The following ABHD2 variants were observed in gnomAD, a reference collection of about 807,000 sequenced individuals.
ABHD2 encodes the protein monoacylglycerol lipase ABHD2.
ABHD2 carries 20 observed loss-of-function variants against 48.1 expected under a neutral mutation model. The observed-to-expected ratio is 0.42, with a 90% CI of 0.29 to 0.60. The LOEUF (loss-of-function observed/expected upper bound fraction) is 0.60. Ranked by LOEUF, ABHD2 falls within the 20% of genes least tolerant of loss-of-function variation. ABHD2 has a pLI of 0.24. For synonymous variants in ABHD2, 209 were observed against 214.2 expected, an observed-to-expected ratio of 0.98 and a Z score of 0.21; for missense variants, 405 against 550.9, an observed-to-expected ratio of 0.74 and a Z score of 2.65.
chr15:89,119,106 C>G (rs1399921156), intron 3 of ABHD2, among the ~76,000 whole-genome samples: 1 of 152,156 alleles, frequency 6.6e-6, no homozygotes, highest in Non-Finnish European at 1.5e-5. Flanking sequence ...TGGTGGAGGT[C>G]AGCCTAAGTT....
chr15:89,111,304 T>G (rs923050637), intron 1 of ABHD2, among the ~76,000 whole-genome samples: 4 of 152,248 alleles, frequency 2.6e-5, no homozygotes, highest in Admixed American at 6.5e-5. Flanking sequence ...GCAGTGATTT[T>G]AGCATTCATA....
In ABHD2 at chr15:89,189,454, C is replaced by A. The variant is rs1057401921; in HGVS notation, c.926+1151C>A. The stretch of plus-strand genomic sequence containing the variant: ...ATTACAGTGAGCTATGGTCCCAACA[C>A]TGCACTGGAGCCCAGCCTGGGCAAC... On this transcript the variant is annotated intron_variant, in intron 8 of 10. Transcript: ENST00000352732. This position sits in a 1 kb window ranked among gnomAD's most constrained non-coding sequence, Gnocchi z 4.9. 6.6e-6 allele frequency among the ~76,000 whole-genome samples: 1 copy of A among 151,840 alleles called. No homozygotes were observed. The highest frequency in any genetic ancestry group is 1.5e-5 in the Non-Finnish European group (1 of 67,954).
At chr15:89,123,198 G>T (rs1456636905) in intron 3 of ABHD2, among the ~76,000 whole-genome samples, 1 of 152,216 alleles carries the variant, frequency 6.6e-6, no homozygotes, top group Non-Finnish European at 1.5e-5. Flanking sequence ...CTCTGGACGT[G>T]TCCGCCTGGA....
At chr15:89,183,793 C>T (rs1041299561) in intron 6 of ABHD2, among the ~76,000 whole-genome samples, 3 of 152,184 alleles carry the variant, frequency 2.0e-5, no homozygotes, top group Admixed American at 1.3e-4. Context: ...AAAGCAAGAA[C>T]ATCCCTTCAG....
In ABHD2 at chr15:89,097,482, A is replaced by G. The variant is rs2049631352; in HGVS notation, c.-107+8919A>G. ...TCCTTAAGCTTAATTTTTGTGAGTTAGGATTCAAGTAAGGATTAGACATTA... is the reference window on the plus strand; with the variant it reads ...TCCTTAAGCTTAATTTTTGTGAGTTGGGATTCAAGTAAGGATTAGACATTA... On this transcript the variant is annotated intron_variant, in intron 1 of 10. Transcript: ENST00000352732. The surrounding 1 kb of genome is among the most constrained non-coding windows in gnomAD (Gnocchi z 4.2). 6.6e-6 allele frequency among the ~76,000 whole-genome samples: 1 copy of G among 152,236 alleles called. No individual in the cohort carries two copies. Among genetic ancestry groups the G allele is most frequent in the Admixed American group, 6.5e-5 (1 of 15,288 alleles).
Position 89,175,646 on chromosome 15 carries a change from T to G in ABHD2, c.539-166T>G, listed in dbSNP as rs1358653289. Among the ~76,000 whole-genome samples, 1 of 152,174 alleles carries G rather than the reference T, an allele frequency of 6.6e-6. No homozygotes were observed. The highest frequency in any genetic ancestry group is 6.6e-5 in the Admixed American group (1 of 15,266). Reference sequence around the variant, plus strand: ...GTCTGGATAGCCAAAGAGCAGTGTCTGTCTCTCTCTCCACACACATCCCCC... The same window carrying G: ...GTCTGGATAGCCAAAGAGCAGTGTCGGTCTCTCTCTCCACACACATCCCCC... On this transcript the variant is annotated intron_variant, in intron 5 of 10. Transcript: ENST00000352732. This position sits in a 1 kb window ranked among gnomAD's most constrained non-coding sequence, Gnocchi z 5.7.
At chr15:89,181,228 CAAAAAAAA>C (rs61411388) in intron 6 of ABHD2, among the ~76,000 whole-genome samples, 23 of 69,160 alleles carry the variant, frequency 3.3e-4, no homozygotes, top group Admixed American at 6.6e-4. Flanking sequence ...GACTCTGTCT[CAAAAAAAA>C]AAAAAAAAAA....
chr15:89,085,600 CT>C (rs1272837940), upstream of ABHD2, among the ~76,000 whole-genome samples: 2 of 152,158 alleles, frequency 1.3e-5, no homozygotes, highest in African/African-American at 2.4e-5. The surrounding 1 kb of genome is among the most constrained non-coding windows in gnomAD (Gnocchi z 4.2). Flanking sequence ...CAGTCTGTGC[CT>C]CTTTTTGAGC....
intron 3 of ABHD2, among the ~76,000 whole-genome samples, chr15:89,144,668 G>T (rs1314339745): frequency 6.6e-6 from 1 of 152,140 alleles, no homozygotes; most frequent in Non-Finnish European, 1.5e-5. Flanking sequence ...GCAGATTAGT[G>T]GTTGCCAGGG....
At chr15:89,073,462 T>G in the ABHD2 span, among the ~76,000 whole-genome samples, 2 of 152,210 alleles carry the variant, frequency 1.3e-5, no homozygotes, top group Non-Finnish European at 2.9e-5. Context: ...TGCCTGGTAA[T>G]TTTTTTGTAT....
Position 89,186,414 on chromosome 15 carries a change from C to T in ABHD2, c.815+898C>T, listed in dbSNP as rs976091502. Among the ~76,000 whole-genome samples, 7 of 152,144 alleles carry T rather than the reference C, an allele frequency of 4.6e-5. No homozygotes were observed. Among genetic ancestry groups the T allele is most frequent in the African/African-American group, 1.7e-4 (7 of 41,416 alleles). On this transcript the variant is annotated intron_variant, in intron 7 of 10. Transcript: ENST00000352732. This position sits in a 1 kb window ranked among gnomAD's most constrained non-coding sequence, Gnocchi z 4.3. Reference sequence around the variant, plus strand: ...TTATTATTGCTGACATCTCTGCCTCCTCCTCTACGCCTCTCATTCCCTCTA... The same window carrying T: ...TTATTATTGCTGACATCTCTGCCTCTTCCTCTACGCCTCTCATTCCCTCTA...
chr15:89,159,338 C>G (rs568201694), intron 5 of ABHD2, among the ~76,000 whole-genome samples: 2 of 152,238 alleles, frequency 1.3e-5, no homozygotes, highest in African/African-American at 4.8e-5. Context: ...GATCACACCA[C>G]TGCACTTCAG....
chr15:89,105,128 A>G (rs2049763515), intron 1 of ABHD2, among the ~76,000 whole-genome samples: 1 of 152,234 alleles, frequency 6.6e-6, no homozygotes, highest in Admixed American at 6.5e-5. Flanking sequence ...CTGTGATTTT[A>G]CTAAGTGCTT....
chr15:89,051,242 TA>T, the ABHD2 span, among the ~76,000 whole-genome samples: 1 of 152,084 alleles, frequency 6.6e-6, no homozygotes, highest in Admixed American at 6.6e-5. Context: ...TCAATAATAA[TA>T]ATAAGTATGC....
rs1428485482 is a variant in ABHD2 at position 89,196,893 on chromosome 15, C to G, written c.*1470C>G. The G allele has an allele frequency of 6.6e-6, 1 of 152,654 alleles. No homozygotes were observed. The highest frequency in any genetic ancestry group is 1.5e-5 in the Non-Finnish European group (1 of 68,036). The allele number at this position is 152,654 out of a possible 1,614,324, so 9.5% of individuals were successfully genotyped here. Reference sequence around the variant, plus strand: ...TGTGGTACTTGAATATCCAAAAACCCTGCACTTTGAACAATCAGCTGTTGC... The same window carrying G: ...TGTGGTACTTGAATATCCAAAAACCGTGCACTTTGAACAATCAGCTGTTGC... On this transcript the variant is annotated 3_prime_UTR_variant, in exon 11 of 11. Transcript: ENST00000352732.
chr15:89,162,046 A>G (rs1477265561), intron 5 of ABHD2, among the ~76,000 whole-genome samples: 1 of 152,174 alleles, frequency 6.6e-6, no homozygotes, highest in Non-Finnish European at 1.5e-5. Flanking sequence ...GACACCAGTC[A>G]TCCTGAATTA....
the ABHD2 span, among the ~76,000 whole-genome samples, chr15:89,054,352 A>G: frequency 2.0e-5 from 3 of 151,604 alleles, no homozygotes; most frequent in Non-Finnish European, 4.4e-5. Flanking sequence ...TTAAAAAAGA[A>G]TTTATGCTGT....
At chr15:89,071,828 G>A in the ABHD2 span, among the ~76,000 whole-genome samples, 1 of 152,172 alleles carries the variant, frequency 6.6e-6, no homozygotes, top group Admixed American at 6.5e-5. Flanking sequence ...CCTCAATACT[G>A]GACGATTATA....
At chr15:89,133,327 T>C (rs2050249909) in intron 3 of ABHD2, among the ~76,000 whole-genome samples, 2 of 152,252 alleles carry the variant, frequency 1.3e-5, no homozygotes, top group Admixed American at 6.5e-5. Flanking sequence ...TGTAATCTTT[T>C]GCTTTCACAA....
Sources: allele counts gnomAD v4.1 joint callset (sites outside exome capture counted in the v4.1 genomes callset), GRCh38; gene constraint gnomAD v4.1.1; non-coding constraint Gnocchi (gnomAD v3.1); transcripts MANE v1.5; gene names NCBI Gene and HGNC (gene_info 2026-07-23, HGNC 2026-07-21).